The following NAV3 variants were observed in gnomAD, a reference collection of about 807,000 sequenced individuals.
NAV3 encodes neuron navigator 3.
Under a neutral mutation model 244.7 loss-of-function variants are expected in NAV3, and 87 were observed. The ratio of observed to expected loss-of-function variants is 0.36; its 90% CI spans 0.30 to 0.42. The LOEUF is 0.42. NAV3 is among the 20% of genes least tolerant of loss of function. The pLI, the probability that NAV3 is intolerant of heterozygous loss-of-function variation, is 1.00. For synonymous variants in NAV3, 1,126 were observed against 1,042.2 expected (o/e 1.08, Z -1.55); for missense variants, 2,663 against 2,893.3 (o/e 0.92, Z 1.83).
chr12:78,161,902 A>G (rs1456819644), intron 23 of NAV3, among the ~76,000 whole-genome samples: 1 of 152,136 alleles, frequency 6.6e-6, no homozygotes, highest in Non-Finnish European at 1.5e-5. Context: ...GTATATAACA[A>G]TATACCTCAG....
intron 20 of NAV3, among the ~76,000 whole-genome samples, chr12:78,145,636 T>C (rs958405741): frequency 4.6e-5 from 7 of 152,126 alleles, no homozygotes; most frequent in Non-Finnish European, 1.0e-4. Context: ...AAAACAGAGC[T>C]AGGAGTTTTC....
chr12:77,916,473 G>A lies in NAV3; in HGVS notation c.244-23846G>A, dbSNP rs553063596. Among the ~76,000 whole-genome samples the A allele has an allele frequency of 4.2e-4, 64 of 152,130 alleles. No homozygotes were observed. In the South Asian group the frequency reaches 0.013, roughly 32 times the overall value. ...AGAGAAGAAAAGATGTGAAGAGACA[G>A]AGGAAAGGCTATTAGGCATGTGTTG... On this transcript the variant is annotated intron_variant, in intron 1 of 39. Coordinates refer to ENST00000397909, the MANE Select transcript of NAV3 (RefSeq NM_001024383.2).
chr12:77,596,364 A>G (rs1175141523), intron 2 of NAV3, among the ~76,000 whole-genome samples: 1 of 152,198 alleles, frequency 6.6e-6, no homozygotes, highest in African/African-American at 2.4e-5. Context: ...GTAGCCTTTT[A>G]TCAAATGCAT....
intron 5 of NAV3, among the ~76,000 whole-genome samples, chr12:77,970,850 T>C (rs952741956): frequency 6.6e-6 from 1 of 152,068 alleles, no homozygotes; most frequent in African/African-American, 2.4e-5. Context: ...TAGAGTTTGG[T>C]TTAAGCAATT....
At position 77,656,872 on chromosome 12, in the gene NAV3, A is replaced by G. The variant is rs374295422; in HGVS notation, c.72+84606A>G. On this transcript the variant is annotated intron_variant, in intron 2 of 8. Transcript: ENST00000550042. ...CCTGAATGACTACTGGGTACATAACAAAATGAAGGCAGAAATAAAGATGTT... is the reference window on the plus strand; with the variant it reads ...CCTGAATGACTACTGGGTACATAACGAAATGAAGGCAGAAATAAAGATGTT... Among the ~76,000 whole-genome samples, 161 of 152,070 alleles carry G rather than the reference A, an allele frequency of 1.1e-3. 1 individual carries two copies. The highest frequency in any genetic ancestry group is 6.8e-3 in the Middle Eastern group (2 of 294).
intron 1 of NAV3, among the ~76,000 whole-genome samples, chr12:77,863,701 G>A (rs146048684): frequency 1.3e-5 from 2 of 150,180 alleles, no homozygotes; most frequent in African/African-American, 4.9e-5. Context: ...GTCCTTTTAA[G>A]TGAAGTTTGA....
At chr12:77,955,469 G>A (rs1677890) in intron 3 of NAV3, among the ~76,000 whole-genome samples, 5,252 of 152,194 alleles carry the variant, frequency 0.035, 146 homozygotes, top group Middle Eastern at 0.058. Flanking sequence ...TAATAAATTG[G>A]TATAGTAATG....
intron 18 of NAV3, among the ~76,000 whole-genome samples, chr12:78,136,049 G>T (rs1956359237): frequency 6.6e-6 from 1 of 152,060 alleles, no homozygotes; most frequent in African/African-American, 2.4e-5. Context: ...CTTCTCTCCG[G>T]TTACCTCTGG....
chr12:77,576,126 G>A (rs573622238), intron 2 of NAV3, among the ~76,000 whole-genome samples: 63 of 152,014 alleles, frequency 4.1e-4, no homozygotes, highest in African/African-American at 1.2e-3. Context: ...CTGTCCTTCC[G>A]TCCTTCTATG....
intron 2 of NAV3, among the ~76,000 whole-genome samples, chr12:77,636,086 CTCA>C (rs1872139787): frequency 6.6e-6 from 1 of 152,108 alleles, no homozygotes; most frequent in African/African-American, 2.4e-5. Context: ...TTATAAAAAG[CTCA>C]TCATCACTGG....
At position 78,179,591 on chromosome 12, in the gene NAV3, A is replaced by G; in HGVS notation, c.5426A>G (p.Glu1809Gly). The G allele has an allele frequency of 1.2e-6, 2 of 1,613,386 alleles. No homozygotes were observed. ...CTGCAGCTGAAGAGCGAGCTCAGAG[A>G]AAAGGAATTAAAATTAACGGATATT... Reference protein sequence around the residue: ...IILQLKSELREKELKLTDIRL... With the variant: ...IILQLKSELRGKELKLTDIRL... Residue 1809 changes from glutamate (E) to glycine (G), a missense_variant, in exon 29 of 40, where the codon GAA (glutamate) becomes GGA (glycine). Transcript: ENST00000397909.
intron 2 of NAV3, among the ~76,000 whole-genome samples, chr12:77,787,172 A>G (rs1346131909): frequency 6.6e-6 from 1 of 152,086 alleles, no homozygotes; most frequent in Admixed American, 6.5e-5. Flanking sequence ...CTAGAGAGTC[A>G]TTTATATAAA....
chr12:78,206,796 G>A (rs931487213), intron 39 of NAV3, among the ~76,000 whole-genome samples: 2 of 151,374 alleles, frequency 1.3e-5, no homozygotes, highest in Middle Eastern at 3.5e-3. Context: ...TAAATATTTG[G>A]CAGGCTTTCT....
In NAV3 at chr12:78,156,004, T is replaced by A. The variant is rs181493836; in HGVS notation, c.4786-3199T>A. Among the ~76,000 whole-genome samples, 215 of 152,260 alleles carry A rather than the reference T, an allele frequency of 1.4e-3. 1 individual carries two copies. The highest frequency in any genetic ancestry group is 4.9e-3 in the African/African-American group (204 of 41,572). ...GCTATGCTGAAGGTCTTTAATTAGA[T>A]CCTATTTGTCAACTTTTGCTTTTGT... On this transcript the variant is annotated intron_variant, in intron 22 of 39. Transcript: ENST00000397909.
intron 2 of NAV3, among the ~76,000 whole-genome samples, chr12:77,654,090 C>A (rs2137002047): frequency 6.6e-6 from 1 of 152,290 alleles, no homozygotes; most frequent in East Asian, 1.9e-4. Flanking sequence ...CTAGGGAGTG[C>A]CAGACAGTGG....
At chr12:77,639,847 G>A (rs971023206) in intron 2 of NAV3, among the ~76,000 whole-genome samples, 1 of 152,320 alleles carries the variant, frequency 6.6e-6, no homozygotes, top group South Asian at 2.1e-4. Context: ...CAGTTGCTCT[G>A]ATGGCACAGA....
At chr12:77,597,904 T>G (rs1870241987) in intron 2 of NAV3, among the ~76,000 whole-genome samples, 1 of 151,876 alleles carries the variant, frequency 6.6e-6, no homozygotes, top group Non-Finnish European at 1.5e-5. Flanking sequence ...AAAGCAAGCC[T>G]CCCTATATCT....
chr12:77,782,421 A>G (rs1380305448), intron 2 of NAV3, among the ~76,000 whole-genome samples: 1 of 152,116 alleles, frequency 6.6e-6, no homozygotes, highest in Non-Finnish European at 1.5e-5. Context: ...ATTAGACCAC[A>G]TAATAACCAT....
chr12:77,935,742 G>C (rs752542141), intron 1 of NAV3, among the ~76,000 whole-genome samples: 1 of 152,188 alleles, frequency 6.6e-6, no homozygotes, highest in Non-Finnish European at 1.5e-5. Context: ...AGTTCTGCAG[G>C]CTCCAAAGGT....
Sources: allele counts gnomAD v4.1 joint callset (sites outside exome capture counted in the v4.1 genomes callset), GRCh38; gene constraint gnomAD v4.1.1; transcripts MANE v1.5; gene names NCBI Gene and HGNC (gene_info 2026-07-23, HGNC 2026-07-21).